CCDC60: variants seen among roughly 807,000 people sequenced by gnomAD.
CCDC60 encodes the protein coiled-coil domain containing 60, also known as coiled-coil domain-containing protein 60.
CCDC60 carries 54 observed loss-of-function variants against 63.5 expected under a neutral mutation model. The observed-to-expected ratio is 0.85, with a 90% confidence interval of 0.68 to 1.07. The LOEUF is 1.07. Among genes scored for constraint, CCDC60 ranks in the 50% least tolerant of loss-of-function variants. The pLI is 0.00. For missense variants in CCDC60, 651 were observed against 684.3 expected (o/e 0.95, Z 0.54); for synonymous variants, 206 against 238.8 (o/e 0.86, Z 1.27).
chr12:119,470,465 T>C (rs1951034672), intron 2 of CCDC60, among the ~76,000 whole-genome samples: 1 of 152,234 alleles, frequency 6.6e-6, no homozygotes, highest in Admixed American at 6.5e-5. Context: ...CCATGTGATG[T>C]GATTTGAAAA....
At chr12:119,483,440 A>G (rs1267679079) in intron 4 of CCDC60, among the ~76,000 whole-genome samples, 1 of 152,202 alleles carries the variant, frequency 6.6e-6, no homozygotes, top group African/African-American at 2.4e-5. Flanking sequence ...TAAAAAGGGA[A>G]GGGAGTGGTC....
chr12:119,417,200 T>C lies in CCDC60; in HGVS notation c.91-11483T>C, dbSNP rs539952658. Among the ~76,000 whole-genome samples, 3 of 152,246 alleles carry C rather than the reference T, an allele frequency of 2.0e-5. No homozygotes were observed. The East Asian group carries it at 5.8e-4, about 29-fold the overall frequency. ...TAGTGTTCTCAATTGAGGGTGATTC[T>C]GCTTCCCAGAGGACACTTGGCAATG... On this transcript the variant is annotated intron_variant, in intron 1 of 13. Coordinates refer to ENST00000327554, the MANE Select transcript of CCDC60 (RefSeq NM_178499.5).
chr12:119,483,931 TG>T (rs1485158326), intron 4 of CCDC60, among the ~76,000 whole-genome samples: 1 of 150,110 alleles, frequency 6.7e-6, no homozygotes, highest in African/African-American at 2.4e-5. Flanking sequence ...AGCATGCTTC[TG>T]GGGACTTTTT....
intron 1 of CCDC60, among the ~76,000 whole-genome samples, chr12:119,365,798 G>A (rs7959400): frequency 0.025 from 3,807 of 152,298 alleles, 85 homozygotes; most frequent in African/African-American, 0.063. Flanking sequence ...AGAGGAATGT[G>A]ATTAGAATAC....
intron 1 of CCDC60, among the ~76,000 whole-genome samples, chr12:119,354,497 A>G (rs1260817276): frequency 1.3e-5 from 2 of 152,186 alleles, no homozygotes; most frequent in East Asian, 3.8e-4. Flanking sequence ...ACAGGACCAC[A>G]ATTCATACAG....
Position 119,410,809 on chromosome 12 carries a change from C to T in CCDC60, c.91-17874C>T, listed in dbSNP as rs1423325430. On this transcript the variant is annotated intron_variant, in intron 1 of 13. Coordinates refer to ENST00000327554, the MANE Select transcript of CCDC60 (RefSeq NM_178499.5). The surrounding 1 kb of genome is among the most constrained non-coding windows in gnomAD (Gnocchi z 4.0). ...TCGGGCTGCAGTGCGGTGGCGCGAT[C>T]TCAGCTCACTGCAGCCTCTGCCTCC... Among the ~76,000 whole-genome samples, 2 of 152,214 alleles carry T rather than the reference C, an allele frequency of 1.3e-5. No individual in the cohort carries two copies. The highest frequency in any genetic ancestry group is 2.9e-5 in the Non-Finnish European group (2 of 68,042).
chr12:119,457,985 T>C (rs1950779898), intron 2 of CCDC60, among the ~76,000 whole-genome samples: 1 of 152,236 alleles, frequency 6.6e-6, no homozygotes. Flanking sequence ...GGCTGCGTTA[T>C]TAATTTGCCT....
Position 119,526,965 on chromosome 12 carries a change from G to C in CCDC60, c.1230-1650G>C, listed in dbSNP as rs113433735. ...TCCTACCATAAAGACACATGCATGT[G>C]AATGTCCACTGCAGCACTATTCACA... On this transcript the variant is annotated intron_variant, in intron 11 of 13. Coordinates refer to ENST00000327554, the MANE Select transcript of CCDC60 (RefSeq NM_178499.5). 9.3e-3 allele frequency among the ~76,000 whole-genome samples: 1,414 copies of C among 152,270 alleles called. 9 individuals are homozygous for C. Among genetic ancestry groups the C allele is most frequent in the Non-Finnish European group, 0.016 (1,089 of 68,022 alleles).
intron 2 of CCDC60, among the ~76,000 whole-genome samples, chr12:119,438,166 T>C (rs953729755): frequency 6.6e-6 from 1 of 152,200 alleles, no homozygotes; most frequent in African/African-American, 2.4e-5. Flanking sequence ...TAGTTAACCA[T>C]AGTTTTAGGG....
At chr12:119,414,244 C>A (rs1455550591) in intron 1 of CCDC60, among the ~76,000 whole-genome samples, 2 of 152,154 alleles carry the variant, frequency 1.3e-5, no homozygotes, top group Non-Finnish European at 2.9e-5. Flanking sequence ...GTCTCTAACT[C>A]CTGACCTCAA....
At chr12:119,365,043 T>C (rs1955827268) in intron 1 of CCDC60, among the ~76,000 whole-genome samples, 1 of 152,318 alleles carries the variant, frequency 6.6e-6, no homozygotes, top group Middle Eastern at 3.4e-3. Flanking sequence ...TAGACACTTC[T>C]TAAAAATATT....
In CCDC60 at chr12:119,348,777, G is replaced by A. The variant is rs147048695; in HGVS notation, c.90+13511G>A. ...CTTTTGTCCAGAAAAAGATGGCATA[G>A]TATTGAGAAAAGAAATCTCCTCCTG... On this transcript the variant is annotated intron_variant, in intron 1 of 13. Transcript: ENST00000327554. 2.8e-4 allele frequency among the ~76,000 whole-genome samples: 42 copies of A among 152,292 alleles called. No homozygotes were observed. The East Asian group carries it at 8.1e-3, about 29-fold the overall frequency.
intron 1 of CCDC60, among the ~76,000 whole-genome samples, chr12:119,411,829 C>T (rs1420212275): frequency 3.3e-5 from 5 of 151,974 alleles, no homozygotes; most frequent in Non-Finnish European, 5.9e-5. Flanking sequence ...TTCTGAGCCC[C>T]GATACACCCT....
intron 13 of CCDC60, among the ~76,000 whole-genome samples, chr12:119,531,713 TAGTTCCC>T (rs1273645053): frequency 1.3e-5 from 2 of 152,148 alleles, no homozygotes; most frequent in Non-Finnish European, 2.9e-5. Context: ...AAGGAGTGCA[TAGTTCCC>T]AGGGGATTGG....
intron 5 of CCDC60, among the ~76,000 whole-genome samples, chr12:119,499,047 T>C (rs1951782217): frequency 6.6e-6 from 1 of 152,256 alleles, no homozygotes; most frequent in African/African-American, 2.4e-5. Flanking sequence ...ATCCATGTGT[T>C]TCATTGCAGA....
At chr12:119,419,524 G>A (rs546139014) in intron 1 of CCDC60, among the ~76,000 whole-genome samples, 120 of 152,282 alleles carry the variant, frequency 7.9e-4, no homozygotes, top group African/African-American at 2.3e-3. Flanking sequence ...AGACCTCACC[G>A]TTATATGGGT....
At chr12:119,442,265 T>C (rs984703358) in intron 2 of CCDC60, among the ~76,000 whole-genome samples, 1 of 152,226 alleles carries the variant, frequency 6.6e-6, no homozygotes, top group Non-Finnish European at 1.5e-5. Context: ...TGACTTCATT[T>C]CTTTCAACTC....
chr12:119,399,853 C>G (rs1426781180), intron 1 of CCDC60, among the ~76,000 whole-genome samples: 1 of 152,148 alleles, frequency 6.6e-6, no homozygotes, highest in Non-Finnish European at 1.5e-5. Context: ...GATGGAGCAG[C>G]ATAGTCCACA....
chr12:119,423,482 G>C (rs1271831264), intron 1 of CCDC60, among the ~76,000 whole-genome samples: 1 of 152,148 alleles, frequency 6.6e-6, no homozygotes, highest in Non-Finnish European at 1.5e-5. Context: ...TTCCAAGTAG[G>C]TTCAGCCAAT....
Sources: allele counts gnomAD v4.1 joint callset (sites outside exome capture counted in the v4.1 genomes callset), GRCh38; gene constraint gnomAD v4.1.1; non-coding constraint Gnocchi (gnomAD v3.1); transcripts MANE v1.5; gene names NCBI Gene and HGNC (gene_info 2026-07-23, HGNC 2026-07-21).